Variants in SLC8A3 observed in about 807,000 individuals in gnomAD.
SLC8A3 encodes the protein solute carrier family 8 member A3, also known as sodium/calcium exchanger 3.
In SLC8A3, 37 loss-of-function variants were observed where a neutral mutation model predicts 65.4. The ratio of observed to expected loss-of-function variants is 0.57; its 90% CI spans 0.44 to 0.74. The LOEUF (loss-of-function observed/expected upper bound fraction) is 0.74. Among genes scored for constraint, SLC8A3 ranks in the 30% least tolerant of loss-of-function variants. The probability of loss-of-function intolerance (pLI) is 0.00; values close to 1 mark genes in which losing one functional copy is unlikely to be tolerated. For synonymous variants in SLC8A3, 461 were observed against 444.5 expected (o/e 1.04, Z -0.47); for missense variants, 1,112 against 1,172.1 (o/e 0.95, Z 0.75).
rs139974573 is a variant in SLC8A3, at chr14:70,167,286, C to A, written c.1137G>T (p.Lys379Asn). 1.2e-6 allele frequency: 2 copies of A among 1,614,174 alleles called. No individual in the cohort carries two copies. The highest frequency in any genetic ancestry group is 1.7e-6 in the Non-Finnish European group (2 of 1,180,040). The stretch of plus-strand genomic sequence containing the variant: ...TGTGCACCTCGCTCATGCTGGAGGC[C>A]TTCTTGGCTTGTTCTGCTGCATGTT... Reference protein sequence around the residue: ...LKKHAAEQAKKASSMSEVHTD... With the variant: ...LKKHAAEQAKNASSMSEVHTD... Residue 379 changes from lysine (K) to asparagine (N), a missense_variant, in exon 2 of 7, where the codon AAG (lysine) becomes AAT (asparagine). Transcript: ENST00000356921.
At chr14:70,067,716 A>G (rs1473581058) in intron 2 of SLC8A3, among the ~76,000 whole-genome samples, 1 of 152,242 alleles carries the variant, frequency 6.6e-6, no homozygotes, top group Non-Finnish European at 1.5e-5. Context: ...CAGACCCAGT[A>G]TCATCAAACC....
intron 2 of SLC8A3, among the ~76,000 whole-genome samples, chr14:70,098,712 T>C (rs1182023306): frequency 6.6e-6 from 1 of 152,184 alleles, no homozygotes; most frequent in East Asian, 1.9e-4. Flanking sequence ...CCACAGCTTC[T>C]GCCAGGCTAA....
intron 2 of SLC8A3, among the ~76,000 whole-genome samples, chr14:70,090,568 A>G (rs1464388671): frequency 6.6e-6 from 1 of 152,226 alleles, no homozygotes; most frequent in Non-Finnish European, 1.5e-5. Context: ...AAGGCGCTTC[A>G]TGAATCTAAT....
At position 70,135,066 on chromosome 14, in the gene SLC8A3, A is replaced by T. The variant is rs569827932; in HGVS notation, c.1784+31573T>A. On this transcript the variant is annotated intron_variant, in intron 2 of 6. Transcript: ENST00000356921. ...TAGCAAAAAAACAAATAATCCACTT[A>T]AAAATGGGCAGAAGACCTGAATAGA... 1.8e-3 allele frequency among the ~76,000 whole-genome samples: 278 copies of T among 152,354 alleles called. 4 individuals carry two copies. The highest frequency in any genetic ancestry group is 3.2e-3 in the Non-Finnish European group (218 of 68,030).
chr14:70,058,013 G>A (rs1888360648), intron 3 of SLC8A3, among the ~76,000 whole-genome samples: 1 of 152,198 alleles, frequency 6.6e-6, no homozygotes, highest in Non-Finnish European at 1.5e-5. Flanking sequence ...AGACTCCAGA[G>A]CAACTGTGTT....
intron 3 of SLC8A3, among the ~76,000 whole-genome samples, chr14:70,056,657 A>G (rs1189613236): frequency 6.6e-6 from 1 of 152,210 alleles, no homozygotes; most frequent in Non-Finnish European, 1.5e-5. Flanking sequence ...TAGATCTCAT[A>G]GATCTCTGGT....
chr14:70,144,000 G>A (rs528239909), intron 2 of SLC8A3, among the ~76,000 whole-genome samples: 3 of 152,172 alleles, frequency 2.0e-5, no homozygotes, highest in East Asian at 3.9e-4. Flanking sequence ...CCATGGCCTC[G>A]GACAGTACTG....
At chr14:70,188,059 T>C (rs1449290098) in intron 1 of SLC8A3, among the ~76,000 whole-genome samples, 1 of 151,850 alleles carries the variant, frequency 6.6e-6, no homozygotes, top group Non-Finnish European at 1.5e-5. Flanking sequence ...ATGCTCACGA[T>C]CCAACTGTAC....
intron 1 of SLC8A3, among the ~76,000 whole-genome samples, chr14:70,170,442 A>G (rs1422627729): frequency 6.6e-6 from 1 of 152,228 alleles, no homozygotes; most frequent in African/African-American, 2.4e-5. Flanking sequence ...TAAACAGTGA[A>G]TGACATAAGA....
intron 2 of SLC8A3, among the ~76,000 whole-genome samples, chr14:70,129,262 G>T (rs1894673123): frequency 6.6e-6 from 1 of 152,146 alleles, no homozygotes; most frequent in South Asian, 2.1e-4. Context: ...AGCTCCCACA[G>T]AAAACTTGGT....
At chr14:70,143,612 A>C (rs1277493764) in intron 2 of SLC8A3, among the ~76,000 whole-genome samples, 2 of 152,160 alleles carry the variant, frequency 1.3e-5, no homozygotes, top group African/African-American at 4.8e-5. Flanking sequence ...TCCAGGCATC[A>C]GTACTTTTCA....
intron 2 of SLC8A3, among the ~76,000 whole-genome samples, chr14:70,142,657 A>T (rs796162881): frequency 1.2e-4 from 18 of 152,340 alleles, no homozygotes; most frequent in African/African-American, 4.1e-4. Flanking sequence ...ATTGCACTAG[A>T]AGAGAAATCT....
At chr14:70,119,068 T>C (rs1893853818) in intron 2 of SLC8A3, among the ~76,000 whole-genome samples, 1 of 152,156 alleles carries the variant, frequency 6.6e-6, no homozygotes, top group South Asian at 2.1e-4. Flanking sequence ...AGTAAAGTCC[T>C]ACAGCTTTAC....
At chr14:70,187,115 G>C (rs1018895580) in intron 1 of SLC8A3, 2 of 152,302 alleles carry the variant, frequency 1.3e-5, no homozygotes, top group African/African-American at 4.8e-5. Flanking sequence ...CACCCCCTTC[G>C]GGTGTTTCTT....
intron 2 of SLC8A3, among the ~76,000 whole-genome samples, chr14:70,136,454 C>CCATCTT (rs1895208252): frequency 6.6e-6 from 1 of 152,170 alleles, no homozygotes; most frequent in Admixed American, 6.5e-5. Context: ...CCACCTCACT[C>CCATCTT]ACCTTTTGTG....
chr14:70,053,585 C>A (rs896897384), intron 3 of SLC8A3, among the ~76,000 whole-genome samples: 8 of 152,304 alleles, frequency 5.3e-5, no homozygotes, highest in South Asian at 4.1e-4. Context: ...AACTTTATAC[C>A]AATATAATGA....
chr14:70,066,825 C>CAAACAA (rs1222364234), intron 2 of SLC8A3, among the ~76,000 whole-genome samples: 1 of 152,106 alleles, frequency 6.6e-6, no homozygotes, highest in Non-Finnish European at 1.5e-5. Flanking sequence ...CAAAACAAAA[C>CAAACAA]AAACAACAAC....
chr14:70,100,316 T>C (rs1892477934), intron 2 of SLC8A3, among the ~76,000 whole-genome samples: 1 of 152,212 alleles, frequency 6.6e-6, no homozygotes, highest in Non-Finnish European at 1.5e-5. Context: ...CCTGGGAATG[T>C]CCACCCTGAT....
intron 6 of SLC8A3, chr14:70,047,754 G>C (rs1456968195): frequency 6.6e-6 from 1 of 152,236 alleles, no homozygotes; most frequent in Non-Finnish European, 1.5e-5. Context: ...TCTTTCTGGG[G>C]CAACTGGGAT....
Sources: gnomAD v4.1 joint callset for allele counts (sites outside exome capture counted in the v4.1 genomes callset) on GRCh38, gnomAD v4.1.1 for gene constraint, MANE v1.5 for transcripts, NCBI Gene and HGNC (gene_info 2026-07-23, HGNC 2026-07-21) for gene names.